Variants in CSMD1 observed in about 807,000 individuals in gnomAD.
CSMD1 encodes CUB and Sushi multiple domains 1.
In CSMD1, 213 loss-of-function variants were observed where a neutral mutation model predicts 417.5. The observed-to-expected ratio is 0.51, with a 90% CI of 0.46 to 0.57. The LOEUF is 0.57. CSMD1 is among the 20% of genes least tolerant of loss of function. The pLI is 0.00. For synonymous variants in CSMD1, 2,862 were observed against 1,736.8 expected (o/e 1.65, Z -16.11); for missense variants, 6,923 against 4,529.7 (o/e 1.53, Z -15.17).
chr8:3,341,213 G>A (rs541664480), intron 23 of CSMD1, among the ~76,000 whole-genome samples: 17 of 152,198 alleles, frequency 1.1e-4, no homozygotes, highest in African/African-American at 3.9e-4. Flanking sequence ...ACATCAACAT[G>A]GAACAAGCCG....
chr8:3,002,835 T>A (rs1807530344), intron 52 of CSMD1, among the ~76,000 whole-genome samples: 1 of 152,190 alleles, frequency 6.6e-6, no homozygotes, highest in Admixed American at 6.5e-5. Flanking sequence ...CAGCAACTCC[T>A]CTCTGACACA....
chr8:4,426,285 A>G (rs1385786661), intron 2 of CSMD1, among the ~76,000 whole-genome samples: 2 of 151,624 alleles, frequency 1.3e-5, no homozygotes, highest in African/African-American at 4.8e-5. Context: ...CTGTTCTAGA[A>G]TTCATCCAAA....
At chr8:3,715,733 C>T (rs551917589) in intron 6 of CSMD1, among the ~76,000 whole-genome samples, 24 of 152,018 alleles carry the variant, frequency 1.6e-4, no homozygotes, top group East Asian at 3.9e-4. Flanking sequence ...AGTAGAGACA[C>T]GGTTTCACCA....
chr8:4,182,628 T>C (rs548221146), intron 3 of CSMD1, among the ~76,000 whole-genome samples: 1 of 152,140 alleles, frequency 6.6e-6, no homozygotes, highest in Non-Finnish European at 1.5e-5. Flanking sequence ...GTGTTTATCA[T>C]ATATACTCAT....
intron 2 of CSMD1, among the ~76,000 whole-genome samples, chr8:4,421,582 T>G (rs1797250078): frequency 6.6e-6 from 1 of 151,882 alleles, no homozygotes; most frequent in Non-Finnish European, 1.5e-5. Context: ...CACTTCTAAA[T>G]AATCCAGGGG....
In CSMD1 at chr8:4,246,621, A is replaced by T. The variant is rs142876457; in HGVS notation, c.415+173332T>A. ...TGATATGATGGGTCTAGCTTTGTTCAGCAGAAATGAATTTCTGCAAATGCT... is the reference window on the plus strand; with the variant it reads ...TGATATGATGGGTCTAGCTTTGTTCTGCAGAAATGAATTTCTGCAAATGCT... On this transcript the variant is annotated intron_variant, in intron 3 of 69. Transcript: ENST00000635120. Among the ~76,000 whole-genome samples, 92 of 152,314 alleles carry T rather than the reference A, an allele frequency of 6.0e-4. 1 individual carries two copies. The highest frequency in any genetic ancestry group is 2.2e-3 in the African/African-American group (90 of 41,572).
intron 2 of CSMD1, among the ~76,000 whole-genome samples, chr8:4,457,782 C>A (rs925432270): frequency 2.0e-5 from 3 of 152,128 alleles, no homozygotes; most frequent in Admixed American, 1.3e-4. Context: ...GCTGCTTCTC[C>A]CAAGTCCCTC....
intron 12 of CSMD1, among the ~76,000 whole-genome samples, chr8:3,455,931 G>C (rs1816094990): frequency 6.6e-6 from 1 of 152,202 alleles, no homozygotes; most frequent in Non-Finnish European, 1.5e-5. Context: ...GAGGCAGGCA[G>C]GCCTCCTTGA....
At chr8:3,875,932 G>A (rs1430497188) in intron 5 of CSMD1, among the ~76,000 whole-genome samples, 1 of 152,142 alleles carries the variant, frequency 6.6e-6, no homozygotes, top group East Asian at 1.9e-4. Flanking sequence ...GGAGATCAAT[G>A]GGAAGCTCGG....
At position 4,195,690 on chromosome 8, in the gene CSMD1, C is replaced by A. The variant is rs537045745; in HGVS notation, c.416-163591G>T. On this transcript the variant is annotated intron_variant, in intron 3 of 69. Coordinates refer to ENST00000635120, the MANE Select transcript of CSMD1 (RefSeq NM_033225.6). Reference sequence around the variant, plus strand: ...GAAGCAGAGGCTGTGTTGAAGAATTCCACGCAGGGAGAAATTGTGGAAATG... The same window carrying A: ...GAAGCAGAGGCTGTGTTGAAGAATTACACGCAGGGAGAAATTGTGGAAATG... 4.6e-5 allele frequency among the ~76,000 whole-genome samples: 7 copies of A among 152,254 alleles called. No individual in the cohort carries two copies. The South Asian group carries it at 1.0e-3, about 23-fold the overall frequency.
chr8:4,941,732 G>C (rs894309930), intron 1 of CSMD1, among the ~76,000 whole-genome samples: 2 of 151,958 alleles, frequency 1.3e-5, no homozygotes, highest in Non-Finnish European at 2.9e-5. Flanking sequence ...CTGAGTAGTT[G>C]GGACCACAGG....
chr8:4,840,562 G>C (rs1050227938), intron 1 of CSMD1, among the ~76,000 whole-genome samples: 25 of 152,146 alleles, frequency 1.6e-4, no homozygotes, highest in African/African-American at 5.8e-4. Flanking sequence ...CCCAGAGAAA[G>C]AAAATATGAA....
At chr8:4,323,613 G>A (rs552400480) in intron 3 of CSMD1, among the ~76,000 whole-genome samples, 28 of 152,214 alleles carry the variant, frequency 1.8e-4, no homozygotes, top group Non-Finnish European at 2.9e-4. Flanking sequence ...TCAACAGTGC[G>A]ACAGAAACCA....
At chr8:4,228,658 C>G (rs953292466) in intron 3 of CSMD1, among the ~76,000 whole-genome samples, 2 of 149,358 alleles carry the variant, frequency 1.3e-5, no homozygotes, top group Admixed American at 1.3e-4. Flanking sequence ...TTGCAGATGA[C>G]TATCGATTGT....
At chr8:4,347,408 T>G (rs544852440) in intron 3 of CSMD1, among the ~76,000 whole-genome samples, 1 of 152,164 alleles carries the variant, frequency 6.6e-6, no homozygotes, top group African/African-American at 2.4e-5. Flanking sequence ...TCATTTAAAA[T>G]AGGTAACATT....
At chr8:4,867,675 T>C (rs940686582) in intron 1 of CSMD1, among the ~76,000 whole-genome samples, 1 of 152,174 alleles carries the variant, frequency 6.6e-6, no homozygotes, top group African/African-American at 2.4e-5. Context: ...CTGAGAAAAG[T>C]TATATGTTTA....
At chr8:3,626,388 C>T (rs1796494884) in intron 7 of CSMD1, among the ~76,000 whole-genome samples, 1 of 152,294 alleles carries the variant, frequency 6.6e-6, no homozygotes, top group East Asian at 1.9e-4. Flanking sequence ...TAGCATTTGA[C>T]TAGGCCAGTT....
intron 3 of CSMD1, among the ~76,000 whole-genome samples, chr8:4,161,914 A>G (rs1797194593): frequency 6.6e-6 from 1 of 152,182 alleles, no homozygotes; most frequent in Non-Finnish European, 1.5e-5. Context: ...TCATCAGTTC[A>G]TATCCCTTTC....
At chr8:3,246,638 AT>A (rs1266772257) in intron 26 of CSMD1, among the ~76,000 whole-genome samples, 1 of 152,014 alleles carries the variant, frequency 6.6e-6, no homozygotes, top group Non-Finnish European at 1.5e-5. Flanking sequence ...TACCCAGCTA[AT>A]TTTTGAATTT....
Sources: allele counts gnomAD v4.1 joint callset (sites outside exome capture counted in the v4.1 genomes callset), GRCh38; gene constraint gnomAD v4.1.1; transcripts MANE v1.5; gene names NCBI Gene and HGNC (gene_info 2026-07-23, HGNC 2026-07-21).